The following RASAL2 variants were observed in gnomAD, a reference collection of about 807,000 sequenced individuals.
The protein encoded by RASAL2 is RAS protein activator like 2, also known as ras GTPase-activating protein nGAP.
RASAL2 carries 58 observed loss-of-function variants against 128.9 expected under a neutral mutation model. The observed-to-expected ratio is 0.45, with a 90% CI of 0.36 to 0.56. The LOEUF is 0.56. Ranked by LOEUF, RASAL2 falls within the 20% of genes least tolerant of loss-of-function variation. The pLI is 0.00. For missense variants in RASAL2, 1,360 were observed against 1,601.6 expected, an observed-to-expected ratio of 0.85 and a Z score of 2.57; for synonymous variants, 561 against 580.8, an observed-to-expected ratio of 0.97 and a Z score of 0.49.
intron 1 of RASAL2, among the ~76,000 whole-genome samples, chr1:178,156,407 G>A (rs1661085810): frequency 6.6e-6 from 1 of 152,160 alleles, no homozygotes; most frequent in African/African-American, 2.4e-5. Context: ...TATGAGTAAT[G>A]TGTTGGTTTA....
intron 4 of RASAL2, among the ~76,000 whole-genome samples, chr1:178,402,478 A>C (rs1179969481): frequency 6.6e-6 from 1 of 152,186 alleles, no homozygotes; most frequent in Non-Finnish European, 1.5e-5. Flanking sequence ...CCAAATTTAC[A>C]ATGGAAAAAC....
intron 1 of RASAL2, among the ~76,000 whole-genome samples, chr1:178,253,813 G>T (rs1016285057): frequency 3.9e-5 from 6 of 152,134 alleles, no homozygotes; most frequent in African/African-American, 1.4e-4. Context: ...AATGTCATCA[G>T]TTAAGGCAGG....
chr1:178,147,934 G>A (rs1660785283), intron 1 of RASAL2, among the ~76,000 whole-genome samples: 1 of 152,164 alleles, frequency 6.6e-6, no homozygotes, highest in Middle Eastern at 3.4e-3. Flanking sequence ...AGCCAGGCAT[G>A]GTGGTGCATG....
chr1:178,304,114 A>T (rs566929316), intron 3 of RASAL2, among the ~76,000 whole-genome samples: 22 of 152,294 alleles, frequency 1.4e-4, no homozygotes, highest in Middle Eastern at 3.4e-3. Flanking sequence ...AACAAGCTAA[A>T]TTGTACTGTC....
chr1:178,146,274 T>C (rs1176673343), intron 1 of RASAL2, among the ~76,000 whole-genome samples: 1 of 152,240 alleles, frequency 6.6e-6, no homozygotes, highest in Non-Finnish European at 1.5e-5. Flanking sequence ...GAGGAATGGT[T>C]GTCCTTATTT....
intron 2 of RASAL2, among the ~76,000 whole-genome samples, chr1:178,298,078 A>C (rs568281994): frequency 4.6e-5 from 7 of 152,204 alleles, no homozygotes; most frequent in Admixed American, 4.6e-4. Context: ...GAACCAGACT[A>C]TTTTTTCCAA....
chr1:178,203,465 T>C (rs1489620364), intron 1 of RASAL2, among the ~76,000 whole-genome samples: 1 of 152,186 alleles, frequency 6.6e-6, no homozygotes, highest in African/African-American at 2.4e-5. Context: ...ATGGTACTGT[T>C]TCTTGCATAG....
intron 3 of RASAL2, among the ~76,000 whole-genome samples, chr1:178,371,140 G>GTA (rs1671676178): frequency 6.6e-6 from 1 of 151,318 alleles, no homozygotes; most frequent in African/African-American, 2.4e-5. Context: ...TGGTAATAAG[G>GTA]TATAAACCTG....
At chr1:178,216,725 T>TA (rs1663433820) in intron 1 of RASAL2, among the ~76,000 whole-genome samples, 1 of 151,350 alleles carries the variant, frequency 6.6e-6, no homozygotes, top group Admixed American at 6.6e-5. Flanking sequence ...CTGCAGCCTC[T>TA]GCCTCCTGGG....
intron 2 of RASAL2, among the ~76,000 whole-genome samples, chr1:178,296,385 G>C (rs1667508540): frequency 6.6e-6 from 1 of 151,780 alleles, no homozygotes. Context: ...TGAGAGACAG[G>C]GTCTCACTCT....
At chr1:178,435,841 G>A (rs904569795) in intron 5 of RASAL2, among the ~76,000 whole-genome samples, 2 of 152,152 alleles carry the variant, frequency 1.3e-5, no homozygotes, top group East Asian at 3.9e-4. Context: ...AGAGAACCTG[G>A]CCAGTAGTCA....
In RASAL2 at chr1:178,323,922, A is replaced by C. The variant is rs145639191; in HGVS notation, c.457+23804A>C. Among the ~76,000 whole-genome samples, 697 of 152,290 alleles carry C rather than the reference A, an allele frequency of 4.6e-3. 8 individuals are homozygous for C. Among genetic ancestry groups the C allele is most frequent in the African/African-American group, 0.016 (664 of 41,556 alleles). On this transcript the variant is annotated intron_variant, in intron 3 of 17. Transcript: ENST00000367649. Reference sequence around the variant, plus strand: ...CAGTTATTTCACAGATAGAGGGTTTACTTTTTCAGGAAAGAAAATGCATAC... The same window carrying C: ...CAGTTATTTCACAGATAGAGGGTTTCCTTTTTCAGGAAAGAAAATGCATAC...
intron 1 of RASAL2, among the ~76,000 whole-genome samples, chr1:178,143,011 C>T (rs1360082324): frequency 1.3e-5 from 2 of 151,872 alleles, no homozygotes; most frequent in African/African-American, 4.8e-5. Flanking sequence ...ATTTCTTTGG[C>T]ACGCTTCACA....
At chr1:178,112,028 C>T (rs1659342381) in intron 1 of RASAL2, among the ~76,000 whole-genome samples, 1 of 152,090 alleles carries the variant, frequency 6.6e-6, no homozygotes, top group South Asian at 2.1e-4. Flanking sequence ...CGCTCCTGGC[C>T]TCTTTTGTCA....
intron 3 of RASAL2, among the ~76,000 whole-genome samples, chr1:178,328,530 G>A (rs976649850): frequency 2.0e-5 from 3 of 151,946 alleles, no homozygotes; most frequent in Non-Finnish European, 2.9e-5. Flanking sequence ...ATCACCAATT[G>A]CCATCTCAAA....
At chr1:178,107,136 T>C (rs1659119699) in intron 1 of RASAL2, among the ~76,000 whole-genome samples, 1 of 152,194 alleles carries the variant, frequency 6.6e-6, no homozygotes, top group South Asian at 2.1e-4. Context: ...AGGGAAATAA[T>C]TGTGAAAAAG....
intron 3 of RASAL2, chr1:178,389,112 C>T (rs891904344): frequency 5.2e-5 from 10 of 191,992 alleles, no homozygotes; most frequent in Non-Finnish European, 7.6e-5. Flanking sequence ...GGGAGAACAG[C>T]AGGAATCAAA....
chr1:178,177,114 A>G (rs1040705859), intron 1 of RASAL2, among the ~76,000 whole-genome samples: 2 of 152,224 alleles, frequency 1.3e-5, no homozygotes, highest in Non-Finnish European at 2.9e-5. Flanking sequence ...GAATAGTACC[A>G]TGAATTAAGT....
chr1:178,358,815 G>T (rs1299157169), intron 3 of RASAL2, among the ~76,000 whole-genome samples: 1 of 152,060 alleles, frequency 6.6e-6, no homozygotes, highest in Non-Finnish European at 1.5e-5. Flanking sequence ...GATAAAAGAA[G>T]ACATTTGCAA....
Sources: gnomAD v4.1 joint callset for allele counts (sites outside exome capture counted in the v4.1 genomes callset) on GRCh38, gnomAD v4.1.1 for gene constraint, MANE v1.5 for transcripts, NCBI Gene and HGNC (gene_info 2026-07-23, HGNC 2026-07-21) for gene names.